The following PAQR5 variants were observed in gnomAD, a reference collection of about 807,000 sequenced individuals.
PAQR5 encodes membrane progestin receptor gamma.
Under a neutral mutation model 34.5 loss-of-function variants are expected in PAQR5, and 20 were observed. That is an observed-to-expected ratio of 0.58 (90% confidence interval 0.41 to 0.84). PAQR5 has a LOEUF of 0.84. Ranked by LOEUF, PAQR5 falls within the 40% of genes least tolerant of loss-of-function variation. The probability of loss-of-function intolerance (pLI) is 0.00; values close to 1 mark genes in which losing one functional copy is unlikely to be tolerated. For missense variants in PAQR5, 378 were observed against 412.7 expected, an observed-to-expected ratio of 0.92 and a Z score of 0.73; for synonymous variants, 131 against 155.6, an observed-to-expected ratio of 0.84 and a Z score of 1.18.
At chr15:69,331,957 C>T (rs553370257) in intron 1 of PAQR5, among the ~76,000 whole-genome samples, 13 of 152,138 alleles carry the variant, frequency 8.5e-5, no homozygotes, top group Non-Finnish European at 1.5e-4. Context: ...AGCTATAGCA[C>T]AAGCGAGCAG....
chr15:69,325,228 C>T (rs1235448693), intron 1 of PAQR5, among the ~76,000 whole-genome samples: 1 of 152,168 alleles, frequency 6.6e-6, no homozygotes, highest in East Asian at 1.9e-4. Context: ...GAAGTCTCCC[C>T]TGACTCCCTA....
intron 6 of PAQR5, chr15:69,391,590 T>G (rs761744620): frequency 4.4e-6 from 2 of 453,426 alleles, no homozygotes; most frequent in South Asian, 3.1e-5. Context: ...CTGGCCATGG[T>G]CCAGGAACCT....
intron 2 of PAQR5, among the ~76,000 whole-genome samples, chr15:69,354,798 C>T (rs921909275): frequency 8.5e-5 from 13 of 152,164 alleles, no homozygotes; most frequent in African/African-American, 2.7e-4. Flanking sequence ...GAAGATCCAC[C>T]CTCAGTGTGG....
intron 4 of PAQR5, chr15:69,382,801 CATATAT>C (rs1220190050): frequency 7.2e-4 from 3 of 4,156 alleles, no homozygotes; most frequent in African/African-American, 2.9e-3. Flanking sequence ...TATATATGAC[CATATAT>C]ATATATATAT....
chr15:69,402,186 G>C (rs1217970302), intron 8 of PAQR5, among the ~76,000 whole-genome samples: 1 of 152,220 alleles, frequency 6.6e-6, no homozygotes, highest in Non-Finnish European at 1.5e-5. Flanking sequence ...CTGGAAATCT[G>C]AGATCAAAGC....
At chr15:69,332,799 AAAAAAAG>A (rs2054416046) in intron 1 of PAQR5, among the ~76,000 whole-genome samples, 1 of 150,172 alleles carries the variant, frequency 6.7e-6, no homozygotes, top group Non-Finnish European at 1.5e-5. Flanking sequence ...AAAAAAAAAA[AAAAAAAG>A]AAACGGCTTA....
intron 2 of PAQR5, among the ~76,000 whole-genome samples, chr15:69,350,578 G>A (rs2054890735): frequency 6.6e-6 from 1 of 152,142 alleles, no homozygotes; most frequent in Admixed American, 6.5e-5. Flanking sequence ...AAGAGGTGGA[G>A]GCTGCAGTGA....
Position 69,404,912 on chromosome 15 carries a change from C to G in PAQR5, c.*1090C>G. 1 of 398,534 alleles carries G rather than the reference C, an allele frequency of 2.5e-6. No homozygotes were observed. The highest frequency in any genetic ancestry group is 4.4e-6 in the Non-Finnish European group (1 of 226,036). 24.7% of individuals were successfully genotyped at this position (398,534 alleles called of 1,614,324 possible). On this transcript the variant is annotated 3_prime_UTR_variant, in exon 9 of 9. Transcript: ENST00000395407. The stretch of plus-strand genomic sequence containing the variant: ...AGGAGATCTGCACTGGAGCAAGTCT[C>G]CCAGATGATTCTAATACAGGAGGGC...
In PAQR5 at chr15:69,304,567, G is replaced by A. The variant is rs143759778; in HGVS notation, c.-277+5511G>A. Among the ~76,000 whole-genome samples the A allele has an allele frequency of 3.4e-4, 52 of 152,284 alleles. No individual in the cohort carries two copies. In the East Asian group the frequency reaches 8.5e-3, roughly 25 times the overall value. ...AGTGCCCCCAAATCAGTGATCCAAG[G>A]TTTAATTCTCACCCATGCCCTGTCC... On this transcript the variant is annotated intron_variant, in intron 1 of 8. Coordinates refer to ENST00000395407, the MANE Select transcript of PAQR5 (RefSeq NM_017705.4).
At chr15:69,387,239 G>A (rs1216144142) in intron 5 of PAQR5, among the ~76,000 whole-genome samples, 4 of 152,200 alleles carry the variant, frequency 2.6e-5, no homozygotes, top group East Asian at 1.9e-4. Context: ...TGCCCGCCCC[G>A]GACTTGTTTT....
chr15:69,389,102 T>C (rs1230879433), intron 5 of PAQR5, among the ~76,000 whole-genome samples: 4 of 152,278 alleles, frequency 2.6e-5, no homozygotes, highest in African/African-American at 9.6e-5. Context: ...GCTGCTGCTA[T>C]GACATCCTCG....
rs767504168 is a variant in PAQR5 at position 69,300,691 on chromosome 15, CCT to C, written c.-277+1648_-277+1649del. 2.7e-3 allele frequency among the ~76,000 whole-genome samples: 10 copies of C among 3,708 alleles called. 2 individuals are homozygous for C. The highest frequency in any genetic ancestry group is 5.6e-3 in the Non-Finnish European group (5 of 896). 2.4% of individuals were successfully genotyped at this position (3,708 alleles called of 152,430 possible). On this transcript the variant is annotated intron_variant, in intron 1 of 8. Coordinates refer to ENST00000395407, the MANE Select transcript of PAQR5 (RefSeq NM_017705.4). Reference sequence around the variant, plus strand: ...CATTCTTTCTCTTCCTTCCTCCCTCCCTCTCTCTCTCTCTTTCTTTCTTTCTT... The same window carrying C: ...CATTCTTTCTCTTCCTTCCTCCCTCCCTCTCTCTCTCTTTCTTTCTTTCTT...
chr15:69,331,731 A>G (rs2054384263), intron 1 of PAQR5, among the ~76,000 whole-genome samples: 1 of 152,174 alleles, frequency 6.6e-6, no homozygotes, highest in African/African-American at 2.4e-5. Flanking sequence ...ACAGGGAGCA[A>G]CGGGAAAAAG....
intron 1 of PAQR5, among the ~76,000 whole-genome samples, chr15:69,330,566 GGCT>G (rs2054355469): frequency 6.6e-6 from 1 of 151,990 alleles, no homozygotes; most frequent in South Asian, 2.1e-4. Context: ...TCAATGAACT[GGCT>G]CCTCTGATCT....
At chr15:69,338,620 A>C (rs1011521709) in intron 2 of PAQR5, among the ~76,000 whole-genome samples, 4 of 152,176 alleles carry the variant, frequency 2.6e-5, no homozygotes, top group Non-Finnish European at 5.9e-5. Context: ...AGAGCGATTG[A>C]CAGCCTTCTC....
chr15:69,368,523 T>C (rs2055466311), intron 3 of PAQR5, among the ~76,000 whole-genome samples: 4 of 152,198 alleles, frequency 2.6e-5, no homozygotes, highest in African/African-American at 7.2e-5. Flanking sequence ...ATGCTAGAAA[T>C]GTATCAGTTA....
chr15:69,327,644 G>A (rs1366900052), intron 1 of PAQR5, among the ~76,000 whole-genome samples: 3 of 152,190 alleles, frequency 2.0e-5, no homozygotes, highest in African/African-American at 4.8e-5. Context: ...TTTAGGTCCT[G>A]TTGACAACAG....
At chr15:69,389,877 G>T in intron 6 of PAQR5, 97 bp downstream of exon 6, 2 of 1,426,616 alleles carry the variant, frequency 1.4e-6, no homozygotes, top group Non-Finnish European at 1.9e-6. Context: ...TGGGCTCAAT[G>T]GAAAAGGTGC....
At chr15:69,308,452 G>A (rs1178465869) in intron 1 of PAQR5, among the ~76,000 whole-genome samples, 3 of 152,096 alleles carry the variant, frequency 2.0e-5, no homozygotes, top group Non-Finnish European at 4.4e-5. Context: ...TGACATATTG[G>A]GCCAGATAAT....
Sources: gnomAD v4.1 joint callset for allele counts (sites outside exome capture counted in the v4.1 genomes callset) on GRCh38, gnomAD v4.1.1 for gene constraint, MANE v1.5 for transcripts, NCBI Gene and HGNC (gene_info 2026-07-23, HGNC 2026-07-21) for gene names.